Variants in LRRTM4 observed in about 807,000 individuals in gnomAD.
LRRTM4 encodes leucine-rich repeat transmembrane neuronal protein 4.
LRRTM4 carries 25 observed loss-of-function variants against 47.6 expected under a neutral mutation model. The observed-to-expected ratio is 0.53, with a 90% CI of 0.38 to 0.73. LRRTM4 has a LOEUF of 0.73. LRRTM4 is among the 30% of genes least tolerant of loss of function. The pLI is 0.00. For synonymous variants in LRRTM4, 311 were observed against 269.5 expected, an observed-to-expected ratio of 1.15 and a Z score of -1.51; for missense variants, 638 against 713.4, an observed-to-expected ratio of 0.89 and a Z score of 1.20.
intron 3 of LRRTM4, among the ~76,000 whole-genome samples, chr2:77,047,031 G>A (rs189593462): frequency 2.9e-4 from 44 of 152,134 alleles, no homozygotes; most frequent in African/African-American, 1.0e-3. Context: ...TAATTTGGTA[G>A]TTATAATGCA....
At chr2:77,117,344 T>C (rs1198088924) in intron 3 of LRRTM4, among the ~76,000 whole-genome samples, 1 of 151,968 alleles carries the variant, frequency 6.6e-6, no homozygotes, top group Non-Finnish European at 1.5e-5. Flanking sequence ...GCTGTAAAAC[T>C]TAGAACAGGT....
chr2:77,099,453 G>C (rs180884617), intron 3 of LRRTM4, among the ~76,000 whole-genome samples: 5 of 151,862 alleles, frequency 3.3e-5, no homozygotes, highest in African/African-American at 1.2e-4. Flanking sequence ...ATATATTTGG[G>C]TGTGTGTGTG....
chr2:77,022,860 G>A (rs1269958357), intron 3 of LRRTM4, among the ~76,000 whole-genome samples: 1 of 152,148 alleles, frequency 6.6e-6, no homozygotes, highest in Non-Finnish European at 1.5e-5. Context: ...GCTGTAGTTG[G>A]ATCTACGATT....
chr2:76,840,010 G>C (rs1370179805), intron 3 of LRRTM4, among the ~76,000 whole-genome samples: 1 of 151,974 alleles, frequency 6.6e-6, no homozygotes, highest in Non-Finnish European at 1.5e-5. Flanking sequence ...TGATGAATAA[G>C]GCAGACCCCC....
At chr2:76,916,627 A>G (rs1444251923) in intron 3 of LRRTM4, among the ~76,000 whole-genome samples, 2 of 152,198 alleles carry the variant, frequency 1.3e-5, no homozygotes, top group South Asian at 4.1e-4. Context: ...GAATGGAGGG[A>G]AAAACATCAC....
At chr2:76,759,293 T>C (rs1314063513) in intron 3 of LRRTM4, among the ~76,000 whole-genome samples, 1 of 152,178 alleles carries the variant, frequency 6.6e-6, no homozygotes, top group Non-Finnish European at 1.5e-5. Context: ...GATTTCACTG[T>C]GAAGATCCAG....
chr2:76,753,684 T>A (rs1225797354), intron 3 of LRRTM4, among the ~76,000 whole-genome samples: 2 of 152,108 alleles, frequency 1.3e-5, no homozygotes, highest in African/African-American at 4.8e-5. Context: ...TAGAGGACTA[T>A]GTGGAGTTTC....
chr2:76,850,467 G>C (rs917777296), intron 3 of LRRTM4, among the ~76,000 whole-genome samples: 1 of 152,112 alleles, frequency 6.6e-6, no homozygotes, highest in Non-Finnish European at 1.5e-5. Context: ...GATTAGTTCT[G>C]ATCCTCAATT....
At chr2:77,094,466 G>C (rs1278175025) in intron 3 of LRRTM4, among the ~76,000 whole-genome samples, 2 of 151,910 alleles carry the variant, frequency 1.3e-5, no homozygotes, top group Admixed American at 1.3e-4. Flanking sequence ...ACCCCACATA[G>C]CCAAAGCAAT....
chr2:76,782,263 A>T (rs1252640362), intron 3 of LRRTM4, among the ~76,000 whole-genome samples: 3 of 152,174 alleles, frequency 2.0e-5, no homozygotes, highest in Non-Finnish European at 2.9e-5. Context: ...TGGTCCTTAC[A>T]CTGGATTCAT....
chr2:77,155,968 C>G (rs1477572638), intron 3 of LRRTM4, among the ~76,000 whole-genome samples: 1 of 152,072 alleles, frequency 6.6e-6, no homozygotes, highest in Non-Finnish European at 1.5e-5. Flanking sequence ...CAATTTTCAA[C>G]ATAGGTATGT....
At chr2:77,207,534 C>T (rs1674169851) in intron 3 of LRRTM4, among the ~76,000 whole-genome samples, 2 of 151,690 alleles carry the variant, frequency 1.3e-5, no homozygotes, top group Admixed American at 6.6e-5. Flanking sequence ...CTGGCTGTGA[C>T]TTATTGTTCA....
rs184687964 is a variant in LRRTM4, at chr2:77,511,353, A to G, written c.1551+6965T>C. Among the ~76,000 whole-genome samples, 583 of 152,132 alleles carry G rather than the reference A, an allele frequency of 3.8e-3. 14 individuals carry two copies. Among genetic ancestry groups the G allele is most frequent in the Admixed American group, 0.034 (515 of 15,260 alleles). ...TTAGTATTTTAGAAATATTTATAGA[A>G]GATACATGAGTGTTTAATCGTATAT... On this transcript the variant is annotated intron_variant, in intron 3 of 3. Transcript: ENST00000409884.
chr2:76,922,736 T>A (rs1006430801), intron 3 of LRRTM4, among the ~76,000 whole-genome samples: 3 of 152,036 alleles, frequency 2.0e-5, no homozygotes, highest in Non-Finnish European at 4.4e-5. Context: ...TAAGGTATAC[T>A]TAAAGTTTGC....
chr2:77,045,327 T>A (rs937410354), intron 3 of LRRTM4, among the ~76,000 whole-genome samples: 1 of 151,652 alleles, frequency 6.6e-6, no homozygotes, highest in African/African-American at 2.4e-5. Flanking sequence ...TCATTCCTTT[T>A]ATCTATTATT....
In LRRTM4 at chr2:76,864,428, C is replaced by A. The variant is rs756328877; in HGVS notation, c.1552-115512G>T. Among the ~76,000 whole-genome samples, 50 of 152,152 alleles carry A rather than the reference C, an allele frequency of 3.3e-4. 1 individual carries two copies. Among genetic ancestry groups the A allele is most frequent in the Admixed American group, 3.3e-3 (50 of 15,288 alleles). ...ATCCAAGCACTTTGGGAGGCCTAGGCGGGCGGATCATCTGAGGTCAGGAGT... is the reference window on the plus strand; with the variant it reads ...ATCCAAGCACTTTGGGAGGCCTAGGAGGGCGGATCATCTGAGGTCAGGAGT... On this transcript the variant is annotated intron_variant, in intron 3 of 3. Transcript: ENST00000409884.
intron 3 of LRRTM4, among the ~76,000 whole-genome samples, chr2:77,184,399 A>G (rs1228365177): frequency 6.6e-6 from 1 of 152,122 alleles, no homozygotes; most frequent in Non-Finnish European, 1.5e-5. Flanking sequence ...ACCTCCTACA[A>G]AAATACCCAC....
chr2:77,146,099 G>A (rs1672255707), intron 3 of LRRTM4, among the ~76,000 whole-genome samples: 1 of 151,980 alleles, frequency 6.6e-6, no homozygotes, highest in South Asian at 2.1e-4. Flanking sequence ...TCTTCTTTCA[G>A]TGTATATTTA....
At chr2:77,135,025 C>T (rs1440712672) in intron 3 of LRRTM4, among the ~76,000 whole-genome samples, 2 of 152,024 alleles carry the variant, frequency 1.3e-5, no homozygotes, top group Admixed American at 6.6e-5. Context: ...ATAGGAACTA[C>T]AAATAGAAAT....
Sources: gnomAD v4.1 joint callset for allele counts (sites outside exome capture counted in the v4.1 genomes callset) on GRCh38, gnomAD v4.1.1 for gene constraint, MANE v1.5 for transcripts, NCBI Gene and HGNC (gene_info 2026-07-23, HGNC 2026-07-21) for gene names.